Variants in DLGAP2 observed in about 807,000 individuals in gnomAD.
The protein encoded by DLGAP2 is disks large-associated protein 2.
In DLGAP2, 26 loss-of-function variants were observed where a neutral mutation model predicts 100.3. That is an observed-to-expected ratio of 0.26 (90% CI 0.19 to 0.36). The LOEUF is 0.36. DLGAP2 is among the 10% of genes least tolerant of loss of function. DLGAP2 has a pLI of 1.00. For synonymous variants in DLGAP2, 886 were observed against 630.1 expected (o/e 1.41, Z -6.08); for missense variants, 1,858 against 1,453.2 (o/e 1.28, Z -4.53).
At chr8:1,075,494 C>A (rs552999846) in intron 2 of DLGAP2, among the ~76,000 whole-genome samples, 1 of 152,270 alleles carries the variant, frequency 6.6e-6, no homozygotes, top group South Asian at 2.1e-4. Flanking sequence ...CTACTGTCCT[C>A]TTCTGTGATG....
At chr8:1,078,134 C>G (rs1803686005) in intron 2 of DLGAP2, among the ~76,000 whole-genome samples, 1 of 152,182 alleles carries the variant, frequency 6.6e-6, no homozygotes, top group African/African-American at 2.4e-5. Context: ...CCTTCCCTTC[C>G]AGCTCCCTCA....
intron 2 of DLGAP2, among the ~76,000 whole-genome samples, chr8:1,255,024 G>GCCC (rs1366847813): frequency 4.4e-5 from 5 of 112,396 alleles, no homozygotes; most frequent in African/African-American, 1.8e-4. Context: ...CTGTGTGTGT[G>GCCC]TCTTCTCCTG....
chr8:1,562,464 GTGT>G (rs1312988594), intron 5 of DLGAP2, among the ~76,000 whole-genome samples: 2 of 55,666 alleles, frequency 3.6e-5, no homozygotes, highest in Non-Finnish European at 6.9e-5. Context: ...GCGGGACTGT[GTGT>G]TGTTGGGGTG....
intron 5 of DLGAP2, among the ~76,000 whole-genome samples, chr8:1,564,506 G>T (rs1308620657): frequency 6.6e-6 from 1 of 152,164 alleles, no homozygotes; most frequent in African/African-American, 2.4e-5. Flanking sequence ...AGCACAGGGG[G>T]GTTATATGTA....
intron 12 of DLGAP2, among the ~76,000 whole-genome samples, chr8:1,688,948 A>C (rs1451659310): frequency 1.3e-5 from 2 of 152,166 alleles, no homozygotes; most frequent in Non-Finnish European, 2.9e-5. Flanking sequence ...CTTTGTGCCC[A>C]TGAAATGCGG....
At chr8:1,148,244 T>C (rs1796639628) in intron 2 of DLGAP2, among the ~76,000 whole-genome samples, 3 of 152,304 alleles carry the variant, frequency 2.0e-5, no homozygotes, top group African/African-American at 4.8e-5. Flanking sequence ...AAATTAGTGA[T>C]AGAAAATTAG....
intron 1 of DLGAP2, among the ~76,000 whole-genome samples, chr8:857,399 A>C (rs1268785919): frequency 6.6e-6 from 1 of 152,234 alleles, no homozygotes. Context: ...GGAACAACAA[A>C]GTCCAGACCG....
intron 4 of DLGAP2, among the ~76,000 whole-genome samples, chr8:1,516,656 T>A (rs1800401648): frequency 9.2e-6 from 1 of 108,626 alleles, no homozygotes; most frequent in Non-Finnish European, 2.1e-5. Context: ...AGTGACTGAG[T>A]GAATGAGTGG....
chr8:1,526,198 G>A (rs867075959), intron 4 of DLGAP2, among the ~76,000 whole-genome samples: 8 of 151,430 alleles, frequency 5.3e-5, no homozygotes, highest in Admixed American at 2.0e-4. Flanking sequence ...CTCCTCTGCT[G>A]GAGCCTCCTG....
At chr8:1,473,622 C>T (rs777929532) in intron 3 of DLGAP2, among the ~76,000 whole-genome samples, 18 of 152,258 alleles carry the variant, frequency 1.2e-4, no homozygotes, top group South Asian at 2.1e-4. Context: ...GTCTTGAATA[C>T]GGTGTAGGCT....
chr8:1,367,159 T>G (rs1802128553), intron 3 of DLGAP2, among the ~76,000 whole-genome samples: 1 of 152,242 alleles, frequency 6.6e-6, no homozygotes, highest in South Asian at 2.1e-4. Flanking sequence ...AGATCATATT[T>G]TGAGAAACAG....
At chr8:1,592,245 A>G (rs1006623982) in intron 6 of DLGAP2, among the ~76,000 whole-genome samples, 2 of 152,166 alleles carry the variant, frequency 1.3e-5, no homozygotes, top group African/African-American at 2.4e-5. Context: ...CCTTCACAAA[A>G]TACGCCCCCA....
intron 3 of DLGAP2, among the ~76,000 whole-genome samples, chr8:1,385,705 C>G (rs1796202905): frequency 7.2e-6 from 1 of 138,984 alleles, no homozygotes; most frequent in Non-Finnish European, 1.6e-5. Flanking sequence ...GCACAATTAC[C>G]CGGCCTGTGC....
chr8:1,552,602 T>A (rs1319933529), intron 5 of DLGAP2, among the ~76,000 whole-genome samples: 1 of 152,208 alleles, frequency 6.6e-6, no homozygotes, highest in African/African-American at 2.4e-5. Context: ...TTCTGGGTCC[T>A]CACAACCCCA....
chr8:1,587,432 T>G (rs1454131481), intron 6 of DLGAP2, among the ~76,000 whole-genome samples: 1 of 152,214 alleles, frequency 6.6e-6, no homozygotes, highest in Non-Finnish European at 1.5e-5. Context: ...ACTTCTGCTT[T>G]TATTGCTATT....
At chr8:906,007 G>C (rs1798372139) in intron 1 of DLGAP2, among the ~76,000 whole-genome samples, 2 of 152,350 alleles carry the variant, frequency 1.3e-5, no homozygotes, top group East Asian at 1.9e-4. Flanking sequence ...TGTGGAATGG[G>C]GTTGCCTGCA....
At chr8:1,476,912 G>T (rs551144563) in intron 3 of DLGAP2, among the ~76,000 whole-genome samples, 1 of 152,108 alleles carries the variant, frequency 6.6e-6, no homozygotes, top group African/African-American at 2.4e-5. Context: ...ACCCACCCGT[G>T]ATGGCTGAGT....
chr8:1,535,556 T>G (rs1240508423), intron 4 of DLGAP2, among the ~76,000 whole-genome samples: 1 of 152,224 alleles, frequency 6.6e-6, no homozygotes, highest in African/African-American at 2.4e-5. Flanking sequence ...GCACACACGT[T>G]GTTGTGAACT....
chr8:1,072,482 G>A (rs535295812), intron 2 of DLGAP2, among the ~76,000 whole-genome samples: 1 of 152,252 alleles, frequency 6.6e-6, no homozygotes, highest in East Asian at 1.9e-4. Flanking sequence ...CCTCATTCAC[G>A]TTATCTTGGA....
Sources: gnomAD v4.1 joint callset for allele counts (sites outside exome capture counted in the v4.1 genomes callset) on GRCh38, gnomAD v4.1.1 for gene constraint, MANE v1.5 for transcripts, NCBI Gene and HGNC (gene_info 2026-07-23, HGNC 2026-07-21) for gene names.